The following SLC28A3 variants were observed in gnomAD, a reference collection of about 807,000 sequenced individuals.
SLC28A3 encodes the protein solute carrier family 28 member 3.
In SLC28A3, 68 loss-of-function variants were observed where a neutral mutation model predicts 84.2. The observed-to-expected ratio is 0.81, with a 90% CI of 0.66 to 0.99. The LOEUF (loss-of-function observed/expected upper bound fraction) is 0.99, where lower values mean the gene tolerates loss of function less well. SLC28A3 is among the 50% of genes least tolerant of loss of function. SLC28A3 has a pLI of 0.00. For synonymous variants in SLC28A3, 267 were observed against 303.6 expected (o/e 0.88, Z 1.25); for missense variants, 712 against 841.5 (o/e 0.85, Z 1.90).
At chr9:84,365,867 A>G in the SLC28A3 span, among the ~76,000 whole-genome samples, 18 of 152,050 alleles carry the variant, frequency 1.2e-4, no homozygotes, top group Non-Finnish European at 7.4e-5. Context: ...CCTGACCAAC[A>G]TGGAGAAACC....
At chr9:84,309,794 C>T (rs1385695156) in intron 2 of SLC28A3, 80 bp from the exon 3 acceptor site, 25 of 1,213,886 alleles carry the variant, frequency 2.1e-5, no homozygotes, top group Admixed American at 7.8e-5. Flanking sequence ...GCTCAGAACT[C>T]GGGCAAAGAA....
In SLC28A3 at chr9:84,280,764, C is replaced by A. The variant is rs374149371; in HGVS notation, c.1729+37G>T. The A allele has an allele frequency of 6.9e-6, 11 of 1,601,196 alleles. No individual in the cohort carries two copies. The African/African-American group carries it at 1.3e-4, about 19-fold the overall frequency. ...AATGGGGATCCAAGTATGTCTATGG[C>A]ACATCTGTGTTGTTGAAGAATGTTC... On this transcript the variant is annotated intron_variant, in intron 15 of 17. Transcript: ENST00000376238.
intron 14 of SLC28A3, among the ~76,000 whole-genome samples, chr9:84,281,791 A>G (rs1824759547): frequency 6.6e-6 from 1 of 152,234 alleles, no homozygotes; most frequent in Non-Finnish European, 1.5e-5. Context: ...AATAAAAAGG[A>G]AATACATGCA....
In SLC28A3 at chr9:84,276,501, G is replaced by A. The variant is rs1172076136; in HGVS notation, c.*1717C>T. 1 of 152,002 alleles carries A rather than the reference G, an allele frequency of 6.6e-6. No homozygotes were observed. The highest frequency in any genetic ancestry group is 1.5e-5 in the Non-Finnish European group (1 of 68,014). 9.4% of individuals were successfully genotyped at this position (152,002 alleles called of 1,614,324 possible). On this transcript the variant is annotated 3_prime_UTR_variant, in exon 18 of 18. Transcript: ENST00000376238. ...ACCAAAACCTGTAAACAAAGTAAAT[G>A]CATGTCCACAGAGGAATGGTATGAT... is the stretch of plus-strand genomic sequence containing the variant.
chr9:84,280,717 C>T, intron 15 of SLC28A3, 84 bp downstream of exon 15: 2 of 1,375,762 alleles, frequency 1.5e-6, no homozygotes, highest in Admixed American at 1.9e-5. Flanking sequence ...TTTGTTTTTT[C>T]TGACATAACA....
At chr9:84,310,131 C>T (rs1445904537) in intron 2 of SLC28A3, among the ~76,000 whole-genome samples, 3 of 152,142 alleles carry the variant, frequency 2.0e-5, no homozygotes, top group Non-Finnish European at 2.9e-5. Context: ...GAGACCAAAG[C>T]TGGATTTATT....
chr9:84,316,341 C>T (rs1001818483), intron 1 of SLC28A3, among the ~76,000 whole-genome samples: 6 of 152,230 alleles, frequency 3.9e-5, no homozygotes, highest in African/African-American at 1.4e-4. Context: ...TCCAAGCTTC[C>T]CTTGCAACTA....
intron 12 of SLC28A3, 28 bp downstream of exon 12, chr9:84,288,020 A>T (rs1299065837): frequency 6.2e-7 from 1 of 1,613,066 alleles, no homozygotes; most frequent in African/African-American, 1.3e-5. Context: ...TTGGGTAGTC[A>T]TTAATTAGGT....
intron 1 of SLC28A3, among the ~76,000 whole-genome samples, chr9:84,328,768 G>A (rs4877274): frequency 0.8 from 120,053 of 150,426 alleles, 47,640 homozygotes; most frequent in African/African-American, 0.89. Flanking sequence ...ACAAAAAACA[G>A]AAAACAAAAA....
Position 84,290,169 on chromosome 9 carries a change from T to C in SLC28A3, c.1134A>G (p.Ala378=), listed in dbSNP as rs1825155112. 1 of 1,613,950 alleles carries C rather than the reference T, an allele frequency of 6.2e-7. No individual in the cohort carries two copies. Among genetic ancestry groups the C allele is most frequent in the Admixed American group, 1.7e-5 (1 of 60,012 alleles). ...ACATTCTTACCCCAAAAGAAATGTA[T>C]GCACCTAGCACGCTTCCAGCAATGG... ...FSTIAGSVLG[A]YISFGVPSSH... is the part of the protein sequence containing the mutation. The change falls in exon 11 of 18, where the codon GCA becomes GCG. Residue 378 remains alanine (A), a synonymous_variant. Transcript: ENST00000376238.
At chr9:84,283,647 GTAT>G (rs1445917852) in intron 14 of SLC28A3, among the ~76,000 whole-genome samples, 1 of 152,202 alleles carries the variant, frequency 6.6e-6, no homozygotes, top group Non-Finnish European at 1.5e-5. Context: ...AACAGGCAAA[GTAT>G]TATCTTTAGG....
At position 84,299,572 on chromosome 9, in the gene SLC28A3, G is replaced by A; in HGVS notation, c.669+9C>T. 1 of 1,613,608 alleles carries A rather than the reference G, an allele frequency of 6.2e-7. No homozygotes were observed. The highest frequency in any genetic ancestry group is 8.5e-7 in the Non-Finnish European group (1 of 1,179,846). On this transcript the variant is annotated intron_variant, in intron 6 of 17. Coordinates refer to ENST00000376238, the MANE Select transcript of SLC28A3 (RefSeq NM_001199633.2). ...AAAAAAGAACCTAAAAGATCAACTG[G>A]ATACTTACTCTGGTTGGGTACTTGG...
the SLC28A3 span, among the ~76,000 whole-genome samples, chr9:84,347,739 A>G: frequency 6.6e-6 from 1 of 152,184 alleles, no homozygotes; most frequent in Non-Finnish European, 1.5e-5. Context: ...CCAGAAATGA[A>G]TGCATAGAAC....
chr9:84,309,735 C>T (rs755233134), intron 2 of SLC28A3, 21 bp from the exon 3 acceptor site: 3 of 1,608,698 alleles, frequency 1.9e-6, no homozygotes, highest in Non-Finnish European at 1.7e-6. Flanking sequence ...AACATTGGAG[C>T]AGAGATGGAA....
chr9:84,329,043 G>A (rs949860857), intron 1 of SLC28A3, among the ~76,000 whole-genome samples: 1 of 152,170 alleles, frequency 6.6e-6, no homozygotes, highest in African/African-American at 2.4e-5. Context: ...GGATGGGAAA[G>A]ATATAACATG....
At chr9:84,341,926 C>T (rs1364122019), upstream of SLC28A3, among the ~76,000 whole-genome samples, 3 of 152,094 alleles carry the variant, frequency 2.0e-5, no homozygotes, top group East Asian at 3.9e-4. Context: ...GCCAGGAGTT[C>T]AAGACCAGCC....
chr9:84,321,075 T>G (rs192855393), intron 1 of SLC28A3, among the ~76,000 whole-genome samples: 247 of 152,258 alleles, frequency 1.6e-3, no homozygotes, highest in African/African-American at 5.3e-3. Flanking sequence ...GTGCTACTTC[T>G]AGGAGTTAAT....
At chr9:84,338,578 T>C (rs1827057216) in intron 1 of SLC28A3, among the ~76,000 whole-genome samples, 2 of 152,106 alleles carry the variant, frequency 1.3e-5, no homozygotes, top group African/African-American at 4.8e-5. Flanking sequence ...GGGGGATGTT[T>C]CCCCCACAAA....
intron 1 of SLC28A3, among the ~76,000 whole-genome samples, chr9:84,325,496 A>G (rs1364605498): frequency 6.6e-6 from 1 of 152,250 alleles, no homozygotes; most frequent in Non-Finnish European, 1.5e-5. Context: ...ACGTTTTGCC[A>G]TGAATGAGAC....
Sources: gnomAD v4.1 joint callset for allele counts (sites outside exome capture counted in the v4.1 genomes callset) on GRCh38, gnomAD v4.1.1 for gene constraint, MANE v1.5 for transcripts, NCBI Gene and HGNC (gene_info 2026-07-23, HGNC 2026-07-21) for gene names.